The following PLA2G4A variants were observed in gnomAD, a reference collection of about 807,000 sequenced individuals.
The protein encoded by PLA2G4A is cytosolic phospholipase A2.
Under a neutral mutation model 81.9 loss-of-function variants are expected in PLA2G4A, and 40 were observed. The observed-to-expected ratio is 0.49, with a 90% CI of 0.38 to 0.64. The LOEUF is 0.64. Among genes scored for constraint, PLA2G4A ranks in the 30% least tolerant of loss-of-function variants. The pLI, the probability that PLA2G4A is intolerant of heterozygous loss-of-function variation, is 0.00. For missense variants in PLA2G4A, 715 were observed against 905.1 expected (o/e 0.79, Z 2.69); for synonymous variants, 302 against 296.9 (o/e 1.02, Z -0.18).
chr1:186,966,281 G>A (rs1657128567), intron 15 of PLA2G4A, among the ~76,000 whole-genome samples: 1 of 151,984 alleles, frequency 6.6e-6, no homozygotes, highest in Non-Finnish European at 1.5e-5. Flanking sequence ...ATGGCTAGGA[G>A]TCGTTAATGA....
chr1:186,835,608 A>T (rs1310629985), intron 1 of PLA2G4A, among the ~76,000 whole-genome samples: 1 of 152,172 alleles, frequency 6.6e-6, no homozygotes, highest in Non-Finnish European at 1.5e-5. Flanking sequence ...TTTTCATTCA[A>T]CTGCCATGAA....
Position 186,842,598 on chromosome 1 carries a change from T to C in PLA2G4A, c.-69-11688T>C, listed in dbSNP as rs564529539. Among the ~76,000 whole-genome samples the C allele has an allele frequency of 2.0e-5, 3 of 152,338 alleles. No homozygotes were observed. In the South Asian group the frequency reaches 6.2e-4, roughly 32 times the overall value. On this transcript the variant is annotated intron_variant, in intron 1 of 17. Coordinates refer to ENST00000367466, the MANE Select transcript of PLA2G4A (RefSeq NM_024420.3). ...GAAAGGAGGCTGGTAGGGCATGTCC[T>C]AATCCAATTTGACTAGTGTCCTTAA...
chr1:186,875,721 C>G (rs1240883540), intron 3 of PLA2G4A, among the ~76,000 whole-genome samples: 3 of 151,994 alleles, frequency 2.0e-5, no homozygotes, highest in Non-Finnish European at 2.9e-5. Flanking sequence ...ATCTAAGAAC[C>G]CAGGCAGCGT....
chr1:186,970,385 T>C (rs1028127460), intron 15 of PLA2G4A, among the ~76,000 whole-genome samples: 2 of 152,120 alleles, frequency 1.3e-5, no homozygotes, highest in African/African-American at 4.8e-5. Context: ...TTATTTCTTT[T>C]GCTGTGCAGA....
chr1:186,939,053 G>C lies in PLA2G4A; in HGVS notation c.741G>C (p.Gly247=), dbSNP rs760479856. ...CTCACCCTGATTTTCCAGAGAAAGGGCCAGAGGAGATTAATGAAGAACTAA... is the reference window on the plus strand; with the variant it reads ...CTCACCCTGATTTTCCAGAGAAAGGCCCAGAGGAGATTAATGAAGAACTAA... ...LYSHPDFPEK[G]PEEINEELMK... is the part of the protein sequence containing the mutation. Residue 247 remains glycine (G), a synonymous_variant, in exon 9 of 18, where the codon GGG becomes GGC. Transcript: ENST00000367466. The C allele has an allele frequency of 9.3e-6, 15 of 1,610,722 alleles. No homozygotes were observed. Among genetic ancestry groups the C allele is most frequent in the Non-Finnish European group, 1.0e-5 (12 of 1,177,206 alleles).
intron 14 of PLA2G4A, among the ~76,000 whole-genome samples, chr1:186,959,729 C>A (rs943556428): frequency 5.3e-5 from 8 of 152,084 alleles, no homozygotes; most frequent in Non-Finnish European, 7.4e-5. Context: ...TTAGAATAAT[C>A]ATATGTTTGG....
At chr1:186,915,435 C>T (rs979880634) in intron 7 of PLA2G4A, among the ~76,000 whole-genome samples, 16 of 152,176 alleles carry the variant, frequency 1.1e-4, no homozygotes, top group Non-Finnish European at 1.9e-4. Context: ...CACGAGCCAA[C>T]TTGTGCCCAA....
At chr1:186,829,464 C>G (rs562540268) in intron 1 of PLA2G4A, among the ~76,000 whole-genome samples, 1 of 152,166 alleles carries the variant, frequency 6.6e-6, no homozygotes, top group African/African-American at 2.4e-5. Flanking sequence ...ACTCACTTAA[C>G]TTTTAATTTC....
chr1:186,907,986 AG>A (rs999316758), intron 6 of PLA2G4A, among the ~76,000 whole-genome samples: 8 of 152,184 alleles, frequency 5.3e-5, no homozygotes, highest in Non-Finnish European at 1.2e-4. Context: ...GCTTTTGTTT[AG>A]CGGGGAATAG....
chr1:186,909,418 T>C (rs904608033), intron 6 of PLA2G4A, among the ~76,000 whole-genome samples: 4 of 151,486 alleles, frequency 2.6e-5, no homozygotes, highest in African/African-American at 9.7e-5. Context: ...CCCAGCACTT[T>C]GGGAGGCTGA....
At chr1:186,843,429 G>C (rs958328678) in intron 1 of PLA2G4A, among the ~76,000 whole-genome samples, 3 of 152,116 alleles carry the variant, frequency 2.0e-5, no homozygotes, top group African/African-American at 7.2e-5. Context: ...CCCCCAGTTT[G>C]CTTATTCATC....
chr1:186,879,946 C>T (rs891833120), intron 3 of PLA2G4A, among the ~76,000 whole-genome samples: 4 of 151,830 alleles, frequency 2.6e-5, no homozygotes, highest in South Asian at 4.2e-4. Flanking sequence ...CCCATTAACT[C>T]GTCATTTACA....
chr1:186,934,052 G>A (rs1655844900), intron 8 of PLA2G4A, among the ~76,000 whole-genome samples: 1 of 152,118 alleles, frequency 6.6e-6, no homozygotes, highest in African/African-American at 2.4e-5. Flanking sequence ...TGAAGGAAGG[G>A]TGTAGCCCAT....
intron 17 of PLA2G4A, among the ~76,000 whole-genome samples, chr1:186,986,089 C>A (rs2102308645): frequency 6.6e-6 from 1 of 152,120 alleles, no homozygotes; most frequent in East Asian, 1.9e-4. Context: ...AATATGCCAC[C>A]TAGTGGATCA....
At position 186,937,028 on chromosome 1, in the gene PLA2G4A, G is replaced by GT. The variant is rs57455739; in HGVS notation, c.696-1967dup. On this transcript the variant is annotated intron_variant, in intron 8 of 17. Transcript: ENST00000367466. ...TTAAAAACTGGGGTGATACTTTTATGTTTTTTTTTTTTTATTTTTTGAGAT... is the reference window on the plus strand; with the variant it reads ...TTAAAAACTGGGGTGATACTTTTATGTTTTTTTTTTTTTTATTTTTTGAGAT... Among the ~76,000 whole-genome samples, 1,042 of 145,484 alleles carry GT rather than the reference G, an allele frequency of 7.2e-3. 3 individuals are homozygous for GT. Among genetic ancestry groups the GT allele is most frequent in the African/African-American group, 0.015 (622 of 40,640 alleles).
At chr1:186,838,173 TG>T (rs1207748240) in intron 1 of PLA2G4A, among the ~76,000 whole-genome samples, 1 of 152,124 alleles carries the variant, frequency 6.6e-6, no homozygotes, top group African/African-American at 2.4e-5. Context: ...CTGTGGGTTT[TG>T]AGAATATGGA....
chr1:186,848,426 C>T (rs1298216984), intron 1 of PLA2G4A, among the ~76,000 whole-genome samples: 2 of 152,064 alleles, frequency 1.3e-5, no homozygotes, highest in African/African-American at 4.8e-5. Flanking sequence ...GACTTCATCC[C>T]CTTTCTCCTG....
intron 14 of PLA2G4A, among the ~76,000 whole-genome samples, chr1:186,962,477 GTTATT>G (rs577596426): frequency 2.9e-5 from 4 of 138,390 alleles, no homozygotes; most frequent in Admixed American, 7.0e-5. Flanking sequence ...ATACTTTGTA[GTTATT>G]TTATTTTATT....
intron 14 of PLA2G4A, among the ~76,000 whole-genome samples, chr1:186,959,296 T>G (rs1391725215): frequency 2.0e-5 from 3 of 152,136 alleles, no homozygotes; most frequent in Non-Finnish European, 4.4e-5. Context: ...CTTCATTTAG[T>G]GCCCTTTGAA....
Sources: gnomAD v4.1 joint callset for allele counts (sites outside exome capture counted in the v4.1 genomes callset) on GRCh38, gnomAD v4.1.1 for gene constraint, MANE v1.5 for transcripts, NCBI Gene and HGNC (gene_info 2026-07-23, HGNC 2026-07-21) for gene names.